The following CACNA2D4 variants were observed in gnomAD, a reference collection of about 807,000 sequenced individuals.
CACNA2D4 encodes the protein voltage-dependent calcium channel subunit alpha-2/delta-4.
CACNA2D4 carries 157 observed loss-of-function variants against 163.8 expected under a neutral mutation model. The observed-to-expected ratio is 0.96, with a 90% confidence interval of 0.84 to 1.09. The LOEUF (loss-of-function observed/expected upper bound fraction) is 1.09. Ranked by LOEUF, CACNA2D4 falls within the 50% of genes least tolerant of loss-of-function variation. CACNA2D4 has a pLI of 0.00. For missense variants in CACNA2D4, 1,410 were observed against 1,479.9 expected (o/e 0.95, Z 0.78); for synonymous variants, 598 against 586.9 (o/e 1.02, Z -0.27).
intron 26 of CACNA2D4, among the ~76,000 whole-genome samples, chr12:1,818,301 T>C (rs1240799738): frequency 6.6e-6 from 1 of 151,892 alleles, no homozygotes. Context: ...CGGGCCAGGA[T>C]GACAATGGTG....
In CACNA2D4 at chr12:1,882,973, G is replaced by A. The variant is rs1173208667; in HGVS notation, c.1379C>T (p.Ala460Val). 14 of 1,612,694 alleles carry A rather than the reference G, an allele frequency of 8.7e-6. No homozygotes were observed. The highest frequency in any genetic ancestry group is 4.0e-5 in the African/African-American group (3 of 74,906). The change falls in exon 13 of 38, where the codon GCG (alanine) becomes GTG (valine). Residue 460 changes from alanine to valine, a missense_variant. Coordinates refer to ENST00000382722, the MANE Select transcript of CACNA2D4 (RefSeq NM_172364.5). ...KGYYTQISTL[A>V]DTQENVMEYL... ...TTCCATCACGTTCTCCTGGGTGTCC[G>A]CCAGCGTTGAGATCTGCGTGTAGTA...
chr12:1,826,233 A>G (rs1864309823), intron 26 of CACNA2D4, among the ~76,000 whole-genome samples: 1 of 152,128 alleles, frequency 6.6e-6, no homozygotes, highest in African/African-American at 2.4e-5. Context: ...CTGAATTTCC[A>G]TGGTGATGGG....
chr12:1,898,353 A>T (rs1445159372), intron 6 of CACNA2D4, among the ~76,000 whole-genome samples: 1 of 151,642 alleles, frequency 6.6e-6, no homozygotes, highest in Non-Finnish European at 1.5e-5. Context: ...TGTTCAGAAT[A>T]TACAAAGAAC....
At chr12:1,858,826 C>T (rs562203788) in intron 19 of CACNA2D4, among the ~76,000 whole-genome samples, 182 bp from the exon 20 acceptor site, 2 of 152,312 alleles carry the variant, frequency 1.3e-5, no homozygotes, top group Non-Finnish European at 2.9e-5. Flanking sequence ...AGAACGGAGG[C>T]GGTGCTTCCA....
In CACNA2D4 at chr12:1,868,712, C is replaced by T. The variant is rs556940536; in HGVS notation, c.1878+5892G>A. On this transcript the variant is annotated intron_variant, in intron 18 of 37. Coordinates refer to ENST00000382722, the MANE Select transcript of CACNA2D4 (RefSeq NM_172364.5). Reference sequence around the variant, plus strand: ...TGACTGTAGTCATCCCTTCACTTCACTTTGTATATCAAGATAAGTACAGTT... The same window carrying T: ...TGACTGTAGTCATCCCTTCACTTCATTTTGTATATCAAGATAAGTACAGTT... Among the ~76,000 whole-genome samples the T allele has an allele frequency of 1.6e-4, 25 of 152,172 alleles. No homozygotes were observed. In the South Asian group the frequency reaches 5.0e-3, roughly 30 times the overall value.
At chr12:1,894,207 A>G (rs1866350193) in intron 6 of CACNA2D4, among the ~76,000 whole-genome samples, 1 of 152,210 alleles carries the variant, frequency 6.6e-6, no homozygotes, top group African/African-American at 2.4e-5. Flanking sequence ...GAAAACCTGA[A>G]CAGACCAATA....
intron 26 of CACNA2D4, among the ~76,000 whole-genome samples, chr12:1,819,320 C>T (rs76140106): frequency 0.01 from 1,535 of 152,200 alleles, 25 homozygotes; most frequent in African/African-American, 0.035. Context: ...AGAGGCGGGA[C>T]TCCCCAGAGG....
chr12:1,856,200 C>T lies in CACNA2D4; in HGVS notation c.2038G>A (p.Ala680Thr). 3.1e-6 allele frequency: 5 copies of T among 1,614,050 alleles called. No individual in the cohort carries two copies. Among genetic ancestry groups the T allele is most frequent in the Non-Finnish European group, 4.2e-6 (5 of 1,179,896 alleles). Residue 680 changes from alanine to threonine, a missense_variant, in exon 21 of 38, where the codon GCC becomes ACC. By Grantham distance (58) the Ala-to-Thr change is moderately conservative (BLOSUM62 0). Coordinates refer to ENST00000382722, the MANE Select transcript of CACNA2D4 (RefSeq NM_172364.5). ...CTCACTTACCAGTCACCGGCCAGGGCCAGGTCTGGGTGAAGCAAGTCATGC... is the reference window on the plus strand; with the variant it reads ...CTCACTTACCAGTCACCGGCCAGGGTCAGGTCTGGGTGAAGCAAGTCATGC... ...GLHDLLHPDL[A>T]LAGDWIYCIT...
rs954951400 is a variant in CACNA2D4, at chr12:1,820,105, T to C, written c.2552-8382A>G. Among the ~76,000 whole-genome samples the C allele has an allele frequency of 1.3e-5, 2 of 152,146 alleles. No homozygotes were observed. Among genetic ancestry groups the C allele is most frequent in the Non-Finnish European group, 2.9e-5 (2 of 68,028 alleles). On this transcript the variant is annotated intron_variant, in intron 26 of 37. Coordinates refer to ENST00000382722, the MANE Select transcript of CACNA2D4 (RefSeq NM_172364.5). The surrounding 1 kb of genome is among the most constrained non-coding windows in gnomAD (Gnocchi z 6.0). ...AGGATGGGAGACTCTGCCTCGCATG[T>C]CTCTAAAACAGGAGAAAGACCAGCT... is the stretch of plus-strand genomic sequence containing the variant.
chr12:1,873,195 T>A (rs772457206), intron 18 of CACNA2D4, among the ~76,000 whole-genome samples: 1 of 152,186 alleles, frequency 6.6e-6, no homozygotes, highest in South Asian at 2.1e-4. Flanking sequence ...CTAATAGTAG[T>A]AAGACATGAA....
chr12:1,912,975 G>C, intron 3 of CACNA2D4, 48 bp downstream of exon 3: 6 of 1,235,242 alleles, frequency 4.9e-6, no homozygotes, highest in Non-Finnish European at 7.1e-6. Flanking sequence ...TGCCACCTGC[G>C]TCATGGGGCT....
chr12:1,867,001 G>A (rs1865665924), intron 18 of CACNA2D4, among the ~76,000 whole-genome samples: 1 of 152,074 alleles, frequency 6.6e-6, no homozygotes, highest in Non-Finnish European at 1.5e-5. Context: ...AGAAATTTGA[G>A]TAGACAGTTT....
Position 1,856,257 on chromosome 12 carries a change from A to G in CACNA2D4, c.2009-28T>C, listed in dbSNP as rs376642215. The G allele has an allele frequency of 3.3e-5, 54 of 1,613,338 alleles. No individual in the cohort carries two copies. The African/African-American group carries it at 6.9e-4, about 21-fold the overall frequency. On this transcript the variant is annotated intron_variant, in intron 20 of 37. Transcript: ENST00000382722. Reference sequence around the variant, plus strand: ...GAAACCAGAGTCCACATTCAGGGTGATGCTCCCTCACTGCCATGAGGGTGT... The same window carrying G: ...GAAACCAGAGTCCACATTCAGGGTGGTGCTCCCTCACTGCCATGAGGGTGT...
At chr12:1,891,513 A>G (rs530349472) in intron 6 of CACNA2D4, among the ~76,000 whole-genome samples, 1 of 152,320 alleles carries the variant, frequency 6.6e-6, no homozygotes, top group East Asian at 1.9e-4. Flanking sequence ...GTAAGGACAC[A>G]AGAAATATGA....
At chr12:1,900,671 T>C (rs1866515589) in intron 6 of CACNA2D4, among the ~76,000 whole-genome samples, 1 of 152,176 alleles carries the variant, frequency 6.6e-6, no homozygotes, top group African/African-American at 2.4e-5. Flanking sequence ...TAAATATATA[T>C]GCACCCCACA....
At chr12:1,818,043 G>A (rs544348446) in intron 26 of CACNA2D4, among the ~76,000 whole-genome samples, 25 of 149,654 alleles carry the variant, frequency 1.7e-4, no homozygotes, top group African/African-American at 5.0e-4. Flanking sequence ...AGTGAGGAGC[G>A]TCTCTGCCCG....
intron 18 of CACNA2D4, among the ~76,000 whole-genome samples, chr12:1,862,394 A>C (rs1268988877): frequency 6.6e-6 from 1 of 152,066 alleles, no homozygotes; most frequent in Non-Finnish European, 1.5e-5. Context: ...TAGTCTTTTA[A>C]ATTTTAGCCA....
chr12:1,883,119 A>G lies in CACNA2D4; in HGVS notation c.1352-119T>C, dbSNP rs990320253. On this transcript the variant is annotated intron_variant, in intron 12 of 37. Transcript: ENST00000382722. The surrounding 1 kb of genome is among the most constrained non-coding windows in gnomAD (Gnocchi z 4.5). ...TAGCCGAATACTCTCTGGAAACTGG[A>G]CCGGGGCACAGGGAGCTGCTTCCCC... 34 of 1,169,562 alleles carry G rather than the reference A, an allele frequency of 2.9e-5. No homozygotes were observed. In the East Asian group the frequency reaches 8.5e-4, roughly 29 times the overall value. 72.4% of individuals were successfully genotyped at this position (1,169,562 alleles called of 1,614,324 possible).
chr12:1,875,873 A>T lies in CACNA2D4; in HGVS notation c.1720-536T>A, dbSNP rs992616581. Among the ~76,000 whole-genome samples, 1 of 152,198 alleles carries T rather than the reference A, an allele frequency of 6.6e-6. No homozygotes were observed. Among genetic ancestry groups the T allele is most frequent in the African/African-American group, 2.4e-5 (1 of 41,450 alleles). ...TCACTCTCAAAATGGAGTTCCCAGGACAAAAGCCAACCTTCCAAATGGGGT... is the reference window on the plus strand; with the variant it reads ...TCACTCTCAAAATGGAGTTCCCAGGTCAAAAGCCAACCTTCCAAATGGGGT... On this transcript the variant is annotated intron_variant, in intron 16 of 37. Coordinates refer to ENST00000382722, the MANE Select transcript of CACNA2D4 (RefSeq NM_172364.5). The surrounding 1 kb of genome is among the most constrained non-coding windows in gnomAD (Gnocchi z 4.0).
Sources: allele counts gnomAD v4.1 joint callset (sites outside exome capture counted in the v4.1 genomes callset), GRCh38; gene constraint gnomAD v4.1.1; non-coding constraint Gnocchi (gnomAD v3.1); transcripts MANE v1.5; gene names NCBI Gene and HGNC (gene_info 2026-07-23, HGNC 2026-07-21).